The following EVC variants were observed in gnomAD, a reference collection of about 807,000 sequenced individuals.
EVC encodes the protein EvC ciliary complex subunit 1.
A neutral mutation model predicts 118.9 loss-of-function variants in EVC; 116 were observed. That is an observed-to-expected ratio of 0.98 (90% CI 0.84 to 1.14). EVC has a LOEUF of 1.14. Among genes scored for constraint, EVC ranks in the 50% most tolerant of loss-of-function variants. The probability of loss-of-function intolerance (pLI) is 0.00; values close to 1 mark genes in which losing one functional copy is unlikely to be tolerated. For missense variants in EVC, 1,401 were observed against 1,246.4 expected, an observed-to-expected ratio of 1.12 and a Z score of -1.87; for synonymous variants, 619 against 534.7, an observed-to-expected ratio of 1.16 and a Z score of -2.18.
At chr4:5,779,605 T>A (rs1177493410) in intron 11 of EVC, among the ~76,000 whole-genome samples, 1 of 99,810 alleles carries the variant, frequency 1.0e-5, no homozygotes, top group Non-Finnish European at 2.0e-5. Context: ...TTGAAGCAGT[T>A]GTGAATGGGA....
intron 1 of EVC, among the ~76,000 whole-genome samples, chr4:5,712,651 G>A (rs1723235148): frequency 6.6e-6 from 1 of 152,192 alleles, no homozygotes; most frequent in Non-Finnish European, 1.5e-5. Flanking sequence ...TGTAGGCACA[G>A]GCTCTTTCAG....
chr4:5,773,168 T>C (rs1734243212), intron 11 of EVC, among the ~76,000 whole-genome samples: 1 of 152,166 alleles, frequency 6.6e-6, no homozygotes, highest in Non-Finnish European at 1.5e-5. Context: ...ATGACACACA[T>C]ATTTATCCCA....
intron 4 of EVC, among the ~76,000 whole-genome samples, chr4:5,733,029 A>AT (rs1009607636): frequency 1.3e-5 from 2 of 151,536 alleles, no homozygotes; most frequent in African/African-American, 2.4e-5. Flanking sequence ...AAGTAAATAA[A>AT]TTTTTTTTTA....
rs1726774338 is a variant in EVC, at chr4:5,731,311, T to G, written c.385-114T>G. On this transcript the variant is annotated intron_variant, in intron 3 of 20. Transcript: ENST00000264956. The surrounding 1 kb of genome is among the most constrained non-coding windows in gnomAD (Gnocchi z 5.6). The stretch of plus-strand genomic sequence containing the variant: ...TCTGCTGGCACCCTGGCCAGTCTCC[T>G]CCAGGCAGACCTTCCTGTGAGCGGC... 1 of 961,574 alleles carries G rather than the reference T, an allele frequency of 1.0e-6. No individual in the cohort carries two copies. Among genetic ancestry groups the G allele is most frequent in the Admixed American group, 1.7e-5 (1 of 58,880 alleles). The allele number at this position is 961,574 out of a possible 1,614,324, so 59.6% of individuals were successfully genotyped here. A position where few individuals can be genotyped will look rare whatever the true frequency, so the allele number is the denominator to read the frequency against.
chr4:5,821,842 A>C, the EVC span: 2 of 1,584,186 alleles, frequency 1.3e-6, no homozygotes, highest in South Asian at 1.1e-5. The surrounding 1 kb of genome is among the most constrained non-coding windows in gnomAD (Gnocchi z 4.4). Flanking sequence ...GTTGTCATCT[A>C]TCTGGGCACC....
chr4:5,811,338 C>T lies in EVC; in HGVS notation c.*301C>T, dbSNP rs1475707561. ...CCAAGGAGGGACGTCTTGAGGGGTC[C>T]GAGCCTCAGGCCAAGGACCCCTGAT... is the stretch of plus-strand genomic sequence containing the variant. On this transcript the variant is annotated 3_prime_UTR_variant, in exon 21 of 21. Coordinates refer to ENST00000264956, the MANE Select transcript of EVC (RefSeq NM_153717.3). 7.8e-5 allele frequency: 31 copies of T among 399,814 alleles called. No homozygotes were observed. Among genetic ancestry groups the T allele is most frequent in the South Asian group, 2.2e-4 (10 of 44,464 alleles). The allele number at this position is 399,814 out of a possible 1,614,324, so 24.8% of individuals were successfully genotyped here. A position where few individuals can be genotyped will look rare whatever the true frequency, so the allele number is the denominator to read the frequency against.
At chr4:5,809,910 C>G (rs892496426) in intron 19 of EVC, among the ~76,000 whole-genome samples, 1 of 152,198 alleles carries the variant, frequency 6.6e-6, no homozygotes, top group African/African-American at 2.4e-5. Flanking sequence ...CCCTTGCCAG[C>G]GACAACTTCA....
At chr4:5,774,834 T>C (rs1224589486) in intron 11 of EVC, among the ~76,000 whole-genome samples, 1 of 152,146 alleles carries the variant, frequency 6.6e-6, no homozygotes, top group Admixed American at 6.5e-5. Context: ...GCAAATTAAT[T>C]CTGGTTCTAT....
chr4:5,711,748 G>T (rs928511251), intron 1 of EVC, among the ~76,000 whole-genome samples, 194 bp downstream of exon 1: 1 of 152,224 alleles, frequency 6.6e-6, no homozygotes, highest in Admixed American at 6.5e-5. Flanking sequence ...TTGGCCTGGG[G>T]TCCCCTGCGG....
chr4:5,785,001 C>T (rs1736205193), intron 12 of EVC, among the ~76,000 whole-genome samples: 1 of 152,218 alleles, frequency 6.6e-6, no homozygotes, highest in African/African-American at 2.4e-5. Flanking sequence ...CCAGTCCTTT[C>T]TCCCCTGCCT....
chr4:5,740,782 G>A (rs993231126), intron 5 of EVC, among the ~76,000 whole-genome samples: 1 of 152,122 alleles, frequency 6.6e-6, no homozygotes, highest in Non-Finnish European at 1.5e-5. Flanking sequence ...GGAAGGACAT[G>A]AACAGATATT....
intron 3 of EVC, among the ~76,000 whole-genome samples, chr4:5,729,628 C>T (rs1377965167): frequency 6.6e-6 from 1 of 152,106 alleles, no homozygotes; most frequent in Admixed American, 6.5e-5. Context: ...CACAGTAGGA[C>T]AGCTCCCTCT....
the EVC span, among the ~76,000 whole-genome samples, chr4:5,819,753 A>G: frequency 1.8e-4 from 28 of 152,282 alleles, 1 homozygote; most frequent in South Asian, 3.3e-3. Context: ...AAAGCCGAAC[A>G]TCAAAAATCC....
chr4:5,778,838 A>C (rs979696785), intron 11 of EVC, among the ~76,000 whole-genome samples: 29 of 152,000 alleles, frequency 1.9e-4, no homozygotes, highest in Admixed American at 5.9e-4. Context: ...GAAGCTCTTT[A>C]GTTTAATTAG....
At chr4:5,821,886 C>CTGTT in the EVC span, 2 of 1,563,076 alleles carry the variant, frequency 1.3e-6, no homozygotes, top group African/African-American at 2.7e-5. The surrounding 1 kb of genome is among the most constrained non-coding windows in gnomAD (Gnocchi z 4.4). Context: ...TGGATGGGAT[C>CTGTT]TGTTAGCATC....
chr4:5,729,789 G>C (rs1414448404), intron 3 of EVC, among the ~76,000 whole-genome samples: 1 of 152,156 alleles, frequency 6.6e-6, no homozygotes, highest in Admixed American at 6.6e-5. Context: ...TATTTGTCAT[G>C]CATCAGGCGT....
intron 2 of EVC, among the ~76,000 whole-genome samples, chr4:5,723,508 G>C (rs1325185909): frequency 6.6e-6 from 1 of 152,028 alleles, no homozygotes; most frequent in African/African-American, 2.4e-5. Flanking sequence ...TCATAATTAG[G>C]TTTTTGTTTT....
chr4:5,751,801 G>A (rs557713694), intron 8 of EVC, among the ~76,000 whole-genome samples: 1 of 152,240 alleles, frequency 6.6e-6, no homozygotes, highest in South Asian at 2.1e-4. Context: ...GACATAGAAG[G>A]ACCTGGCTGG....
At chr4:5,768,310 A>C (rs566643986) in intron 11 of EVC, among the ~76,000 whole-genome samples, 5 of 152,240 alleles carry the variant, frequency 3.3e-5, no homozygotes, top group African/African-American at 1.2e-4. Context: ...GGTTTCCATG[A>C]GGAAAACAGA....
Sources: allele counts gnomAD v4.1 joint callset (sites outside exome capture counted in the v4.1 genomes callset), GRCh38; gene constraint gnomAD v4.1.1; non-coding constraint Gnocchi (gnomAD v3.1); transcripts MANE v1.5; gene names NCBI Gene and HGNC (gene_info 2026-07-23, HGNC 2026-07-21).